The following OSBPL1A variants were observed in gnomAD, a reference collection of about 807,000 sequenced individuals.
The protein encoded by OSBPL1A is oxysterol binding protein like 1A.
In OSBPL1A, 80 loss-of-function variants were observed where a neutral mutation model predicts 137.1. The observed-to-expected ratio is 0.58, with a 90% CI of 0.49 to 0.70. The LOEUF is 0.70. OSBPL1A is among the 30% of genes least tolerant of loss of function. OSBPL1A has a pLI of 0.00. For synonymous variants in OSBPL1A, 365 were observed against 389.7 expected, an observed-to-expected ratio of 0.94 and a Z score of 0.75; for missense variants, 970 against 1,129.4, an observed-to-expected ratio of 0.86 and a Z score of 2.02.
At chr18:24,388,385 C>G (rs956005230) in intron 1 of OSBPL1A, among the ~76,000 whole-genome samples, 2 of 152,104 alleles carry the variant, frequency 1.3e-5, no homozygotes, top group African/African-American at 4.8e-5. Flanking sequence ...CCTTTGAAAA[C>G]AAAGTAATCC....
At chr18:24,224,950 G>GA in intron 17 of OSBPL1A, 92 bp downstream of exon 17, 1 of 1,520,228 alleles carries the variant, frequency 6.6e-7, no homozygotes, top group Admixed American at 1.8e-5. Flanking sequence ...CCTACACGGG[G>GA]AAAAATGAAG....
At chr18:24,277,888 A>T (rs2089879765) in intron 15 of OSBPL1A, among the ~76,000 whole-genome samples, 1 of 152,232 alleles carries the variant, frequency 6.6e-6, no homozygotes, top group Admixed American at 6.5e-5. Flanking sequence ...ATTTCATATA[A>T]TTACTCAGAA....
At chr18:24,298,653 ATCTT>A (rs2090341113) in intron 14 of OSBPL1A, among the ~76,000 whole-genome samples, 2 of 152,128 alleles carry the variant, frequency 1.3e-5, no homozygotes, top group African/African-American at 4.8e-5. Context: ...CCGCCCTGAA[ATCTT>A]TCTTGCATGA....
chr18:24,181,253 A>C lies in OSBPL1A; in HGVS notation c.1704T>G (p.Val568=). 1 of 1,614,188 alleles carries C rather than the reference A, an allele frequency of 6.2e-7. No individual in the cohort carries two copies. The highest frequency in any genetic ancestry group is 8.5e-7 in the Non-Finnish European group (1 of 1,180,038). Residue 568 remains valine, a synonymous_variant, in exon 19 of 28, where the codon GTT becomes GTG. Transcript: ENST00000319481. ...GGAAGCTCAGAGGCTCATTAAATAT[A>C]ACTGGCATCGTGATCTTGGATAGTT... ...GMELSKITMP[V]IFNEPLSFLQ... is the part of the protein sequence containing the mutation.
intron 14 of OSBPL1A, among the ~76,000 whole-genome samples, chr18:24,300,276 T>A (rs751778125): frequency 4.4e-4 from 67 of 152,292 alleles, no homozygotes; most frequent in Non-Finnish European, 2.6e-4. Context: ...GTCAAGGGTG[T>A]TTCTAGGAGT....
rs117539058 is a variant in OSBPL1A at position 24,273,483 on chromosome 18, A to T, written c.1281+7359T>A. Among the ~76,000 whole-genome samples the T allele has an allele frequency of 9.2e-5, 14 of 152,354 alleles. No individual in the cohort carries two copies. In the East Asian group the frequency reaches 2.7e-3, roughly 29 times the overall value. ...TGAAGCACCTCACATAAAATAGCACATATATGCGCTCAATTTCAGATGTGG... is the reference window on the plus strand; with the variant it reads ...TGAAGCACCTCACATAAAATAGCACTTATATGCGCTCAATTTCAGATGTGG... On this transcript the variant is annotated intron_variant, in intron 15 of 27. Transcript: ENST00000319481.
intron 15 of OSBPL1A, among the ~76,000 whole-genome samples, chr18:24,279,320 T>A (rs576111396): frequency 6.6e-6 from 1 of 151,336 alleles, no homozygotes; most frequent in Non-Finnish European, 1.5e-5. Flanking sequence ...TCCCAGCTAC[T>A]TGTGAGGCTG....
At chr18:24,259,932 A>G (rs1178803370) in intron 15 of OSBPL1A, among the ~76,000 whole-genome samples, 1 of 152,222 alleles carries the variant, frequency 6.6e-6, no homozygotes, top group African/African-American at 2.4e-5. Flanking sequence ...CATATATCTA[A>G]CAAGGGTCTA....
At chr18:24,333,580 A>C (rs1417114732) in intron 6 of OSBPL1A, among the ~76,000 whole-genome samples, 1 of 152,230 alleles carries the variant, frequency 6.6e-6, no homozygotes, top group Non-Finnish European at 1.5e-5. Flanking sequence ...AAACTGCTTT[A>C]GGTGCTATAC....
At chr18:24,262,138 T>C (rs1175352772) in intron 15 of OSBPL1A, among the ~76,000 whole-genome samples, 1 of 152,220 alleles carries the variant, frequency 6.6e-6, no homozygotes. Flanking sequence ...ATACGCCTAC[T>C]TAGGAACTGA....
chr18:24,317,477 T>G (rs2090757629), intron 9 of OSBPL1A, 77 bp from the exon 10 acceptor site: 1 of 1,132,608 alleles, frequency 8.8e-7, no homozygotes, highest in African/African-American at 1.5e-5. Context: ...AGTAATTAAG[T>G]GAGGACAGTC....
At chr18:24,316,676 A>G (rs1286685789) in intron 11 of OSBPL1A, among the ~76,000 whole-genome samples, 1 of 152,192 alleles carries the variant, frequency 6.6e-6, no homozygotes, top group Admixed American at 6.5e-5. Context: ...ACAGTAGGAC[A>G]CTTTCACATT....
intron 18 of OSBPL1A, among the ~76,000 whole-genome samples, chr18:24,182,109 C>T (rs963654563): frequency 4.6e-5 from 7 of 151,888 alleles, no homozygotes; most frequent in Non-Finnish European, 1.0e-4. Flanking sequence ...ATGACAACAC[C>T]GAGCTTATCT....
chr18:24,173,771 T>C (rs930816616), intron 21 of OSBPL1A, among the ~76,000 whole-genome samples: 24 of 152,230 alleles, frequency 1.6e-4, no homozygotes, highest in African/African-American at 5.8e-4. Flanking sequence ...TTCATTTTTG[T>C]TGGTACTCAG....
intron 2 of OSBPL1A, 61 bp from the exon 3 acceptor site, chr18:24,368,433 T>A: frequency 8.0e-7 from 1 of 1,250,956 alleles, no homozygotes; most frequent in Non-Finnish European, 1.2e-6. Flanking sequence ...ACAACGAAAT[T>A]AACTTCTCCA....
intron 4 of OSBPL1A, among the ~76,000 whole-genome samples, chr18:24,356,907 C>A (rs941976272): frequency 7.9e-5 from 12 of 152,134 alleles, no homozygotes; most frequent in Non-Finnish European, 1.6e-4. Flanking sequence ...CAATTATAGC[C>A]ACTCTGCCAC....
chr18:24,395,387 T>G (rs778824893), intron 1 of OSBPL1A, among the ~76,000 whole-genome samples: 27 of 152,188 alleles, frequency 1.8e-4, no homozygotes, highest in Non-Finnish European at 3.2e-4. Context: ...CTTCCAGTAA[T>G]GTCAAGAGGT....
intron 17 of OSBPL1A, among the ~76,000 whole-genome samples, chr18:24,201,730 T>A (rs1437500400): frequency 1.3e-5 from 2 of 151,466 alleles, no homozygotes; most frequent in African/African-American, 2.4e-5. Flanking sequence ...GCCACTGCAC[T>A]CCCACCTGGG....
intron 7 of OSBPL1A, among the ~76,000 whole-genome samples, chr18:24,319,305 CT>C (rs2090797281): frequency 6.6e-6 from 1 of 152,170 alleles, no homozygotes; most frequent in Admixed American, 6.5e-5. Context: ...CTCTATAGCC[CT>C]CCCTCCTATC....
Sources: gnomAD v4.1 joint callset for allele counts (sites outside exome capture counted in the v4.1 genomes callset) on GRCh38, gnomAD v4.1.1 for gene constraint, MANE v1.5 for transcripts, NCBI Gene and HGNC (gene_info 2026-07-23, HGNC 2026-07-21) for gene names.